The following RAB3GAP1 variants were observed in gnomAD, a reference collection of about 807,000 sequenced individuals.
RAB3GAP1 encodes the protein RAB3 GTPase activating protein catalytic subunit 1, also known as rab3 GTPase-activating protein catalytic subunit.
Under a neutral mutation model 130.7 loss-of-function variants are expected in RAB3GAP1, and 86 were observed. The ratio of observed to expected loss-of-function variants is 0.66; its 90% CI spans 0.55 to 0.79. The LOEUF is 0.79. RAB3GAP1 is among the 30% of genes least tolerant of loss of function. RAB3GAP1 has a pLI of 0.00. For synonymous variants in RAB3GAP1, 367 were observed against 401.7 expected (o/e 0.91, Z 1.03); for missense variants, 1,029 against 1,169.4 (o/e 0.88, Z 1.75).
intron 3 of RAB3GAP1, chr2:135,058,990 C>A (rs1193631936): frequency 1.3e-5 from 2 of 151,740 alleles, no homozygotes; most frequent in African/African-American, 4.8e-5. Context: ...GATGGTGATA[C>A]TATCAAAAAA....
At chr2:135,117,447 T>TCTTCTG (rs1558784054) in intron 7 of RAB3GAP1, among the ~76,000 whole-genome samples, 9 of 55,404 alleles carry the variant, frequency 1.6e-4, no homozygotes, top group Non-Finnish European at 3.3e-4. Flanking sequence ...TTCTTCTTCT[T>TCTTCTG]CTTCTTCTGC....
At chr2:135,114,214 A>G (rs1479657137) in intron 6 of RAB3GAP1, among the ~76,000 whole-genome samples, 1 of 152,214 alleles carries the variant, frequency 6.6e-6, no homozygotes, top group Non-Finnish European at 1.5e-5. Context: ...TATATCTGGA[A>G]TAACTTTTTT....
At chr2:135,173,923 A>G (rs114499229), downstream of RAB3GAP1, among the ~76,000 whole-genome samples, 116 of 152,282 alleles carry the variant, frequency 7.6e-4, 1 homozygote, top group African/African-American at 2.6e-3. Context: ...TTGTGTTTAA[A>G]TCTTCTGGCC....
chr2:135,144,461 A>G (rs1691940814), intron 17 of RAB3GAP1, among the ~76,000 whole-genome samples: 1 of 152,222 alleles, frequency 6.6e-6, no homozygotes, highest in African/African-American at 2.4e-5. Flanking sequence ...GACAATGTAT[A>G]AAACCAAGTA....
At chr2:135,137,555 T>C (rs1650941901) in intron 17 of RAB3GAP1, among the ~76,000 whole-genome samples, 1 of 152,174 alleles carries the variant, frequency 6.6e-6, no homozygotes, top group Non-Finnish European at 1.5e-5. Flanking sequence ...ATCTTTTGAC[T>C]CCAGCTCTTT....
chr2:135,127,016 C>T (rs1429890900), intron 11 of RAB3GAP1, among the ~76,000 whole-genome samples: 3 of 151,454 alleles, frequency 2.0e-5, no homozygotes, highest in African/African-American at 7.3e-5. Flanking sequence ...GCTGGGACTA[C>T]AGACGTGTGC....
At chr2:135,078,931 G>A (rs1413009604) in intron 3 of RAB3GAP1, among the ~76,000 whole-genome samples, 1 of 151,990 alleles carries the variant, frequency 6.6e-6, no homozygotes, top group Non-Finnish European at 1.5e-5. Flanking sequence ...GCAGTGGCAC[G>A]ATCTTGGCTC....
intron 5 of RAB3GAP1, among the ~76,000 whole-genome samples, chr2:135,095,936 T>C (rs1307384052): frequency 2.0e-5 from 3 of 152,202 alleles, no homozygotes; most frequent in Admixed American, 6.5e-5. Context: ...ATATAACTTT[T>C]ATTACAAAAT....
At chr2:135,153,576 A>T (rs964125662) in intron 18 of RAB3GAP1, 73 bp from the exon 19 acceptor site, 2 of 1,411,620 alleles carry the variant, frequency 1.4e-6, no homozygotes, top group African/African-American at 2.8e-5. Flanking sequence ...TTGAAAATAC[A>T]ATTTTGCAAA....
chr2:135,136,190 G>A (rs1691676247), intron 17 of RAB3GAP1, among the ~76,000 whole-genome samples: 1 of 152,166 alleles, frequency 6.6e-6, no homozygotes, highest in South Asian at 2.1e-4. Flanking sequence ...GCTGGGCACA[G>A]TGGCGCACAC....
chr2:135,079,904 C>T (rs1574089862), intron 3 of RAB3GAP1, among the ~76,000 whole-genome samples: 1 of 151,968 alleles, frequency 6.6e-6, no homozygotes, highest in South Asian at 2.1e-4. Flanking sequence ...CCGAGGCGGG[C>T]GGATCACGAG....
intron 3 of RAB3GAP1, among the ~76,000 whole-genome samples, chr2:135,078,896 C>CT (rs1211728231): frequency 6.6e-6 from 1 of 151,974 alleles, no homozygotes; most frequent in Non-Finnish European, 1.5e-5. Flanking sequence ...GAGACGGAGT[C>CT]TCGCTCTGTC....
intron 5 of RAB3GAP1, among the ~76,000 whole-genome samples, chr2:135,096,850 A>G (rs942075251): frequency 2.0e-5 from 3 of 152,162 alleles, no homozygotes; most frequent in Non-Finnish European, 2.9e-5. Context: ...ATGTTTATCA[A>G]AATCTAAATG....
At chr2:135,053,866 C>T (rs981838705) in intron 2 of RAB3GAP1, among the ~76,000 whole-genome samples, 4 of 151,892 alleles carry the variant, frequency 2.6e-5, no homozygotes, top group African/African-American at 9.7e-5. Context: ...TTGTGGACTA[C>T]AATAGTTGGA....
intron 17 of RAB3GAP1, chr2:135,137,426 A>C (rs1691706734): frequency 1.2e-5 from 2 of 171,838 alleles, no homozygotes; most frequent in South Asian, 2.9e-4. Context: ...TGAAGTCTTC[A>C]TCAGTATATC....
At chr2:135,109,134 A>C (rs1266862508) in intron 5 of RAB3GAP1, among the ~76,000 whole-genome samples, 1 of 150,560 alleles carries the variant, frequency 6.6e-6, no homozygotes, top group African/African-American at 2.5e-5. Flanking sequence ...CTTCTTCTTC[A>C]ATATTTTATT....
intron 17 of RAB3GAP1, among the ~76,000 whole-genome samples, chr2:135,147,240 G>A (rs191920101): frequency 6.6e-6 from 1 of 152,006 alleles, no homozygotes; most frequent in East Asian, 1.9e-4. Flanking sequence ...CAGCAACTGG[G>A]GAGGCTGAGG....
At chr2:135,108,902 G>C (rs1690710153) in intron 5 of RAB3GAP1, among the ~76,000 whole-genome samples, 1 of 152,102 alleles carries the variant, frequency 6.6e-6, no homozygotes, top group South Asian at 2.1e-4. Flanking sequence ...TTTGTATGTG[G>C]ATGTCCAGTT....
At chr2:135,163,360 C>T (rs949973347) in intron 22 of RAB3GAP1, among the ~76,000 whole-genome samples, 14 of 152,152 alleles carry the variant, frequency 9.2e-5, no homozygotes, top group African/African-American at 3.1e-4. Context: ...TTGGTTTGCT[C>T]TTGGAGATGT....
Sources: gnomAD v4.1 joint callset for allele counts (sites outside exome capture counted in the v4.1 genomes callset) on GRCh38, gnomAD v4.1.1 for gene constraint, MANE v1.5 for transcripts, NCBI Gene and HGNC (gene_info 2026-07-23, HGNC 2026-07-21) for gene names.